Variants in SLC4A8 observed in about 807,000 individuals in gnomAD.
SLC4A8 encodes the protein electroneutral sodium bicarbonate exchanger 1.
In SLC4A8, 40 loss-of-function variants were observed where a neutral mutation model predicts 125.0. The observed-to-expected ratio is 0.32, with a 90% CI of 0.25 to 0.42. The LOEUF (loss-of-function observed/expected upper bound fraction) is 0.42. Among genes scored for constraint, SLC4A8 ranks in the 10% least tolerant of loss-of-function variants. The probability of loss-of-function intolerance (pLI) is 1.00; values close to 1 mark genes in which losing one functional copy is unlikely to be tolerated. For synonymous variants in SLC4A8, 456 were observed against 476.0 expected (o/e 0.96, Z 0.55); for missense variants, 863 against 1,355.1 (o/e 0.64, Z 5.70).
intron 1 of SLC4A8, among the ~76,000 whole-genome samples, chr12:51,403,457 CT>C (rs1948431027): frequency 6.6e-6 from 1 of 152,198 alleles, no homozygotes; most frequent in South Asian, 2.1e-4. Context: ...GCTCAAAGTT[CT>C]TTCGTTTTAG....
Position 51,474,370 on chromosome 12 carries a change from A to G in SLC4A8, c.1933A>G (p.Asn645Asp). 6.3e-7 allele frequency: 1 copy of G among 1,596,796 alleles called. No homozygotes were observed. ...CAGGTGTACTCTGCCAGAGAATCCA[A>G]ACAATCACACCCTCCAGTACTGGAA... ...YCRCTLPENPNNHTLQYWKDH... is the reference protein window; with the variant it reads ...YCRCTLPENPDNHTLQYWKDH... Residue 645 changes from asparagine to aspartate, a missense_variant, in exon 15 of 25, where the codon AAC (asparagine) becomes GAC (aspartate). This residue lies in a region of SLC4A8 where 76 missense variants were observed against 80.2 expected (regional missense o/e 0.95). Coordinates refer to ENST00000453097, the MANE Select transcript of SLC4A8 (RefSeq NM_001039960.3).
At chr12:51,470,878 T>TG (rs755937959) in intron 13 of SLC4A8, among the ~76,000 whole-genome samples, 10 of 124,124 alleles carry the variant, frequency 8.1e-5, no homozygotes, top group Non-Finnish European at 1.7e-4. Context: ...TGTTTTGTTT[T>TG]GTTTTTTTGC....
intron 4 of SLC4A8, 52 bp downstream of exon 4, chr12:51,452,311 T>C: frequency 6.2e-7 from 1 of 1,601,620 alleles, no homozygotes; most frequent in Non-Finnish European, 8.5e-7. Flanking sequence ...GGCAAGTGTG[T>C]ACCCTTCAGC....
At chr12:51,394,430 G>C (rs1218314667) in intron 1 of SLC4A8, among the ~76,000 whole-genome samples, 2 of 152,216 alleles carry the variant, frequency 1.3e-5, no homozygotes, top group Non-Finnish European at 2.9e-5. Flanking sequence ...GACGGTGCAG[G>C]CTTCCTCTCC....
At chr12:51,406,086 A>C (rs1390330641) in intron 1 of SLC4A8, among the ~76,000 whole-genome samples, 1 of 152,224 alleles carries the variant, frequency 6.6e-6, no homozygotes, top group Non-Finnish European at 1.5e-5. Flanking sequence ...GTATCCCAAC[A>C]GTAGCAAGTG....
chr12:51,446,212 T>G (rs1415026199), intron 2 of SLC4A8, among the ~76,000 whole-genome samples: 1 of 152,200 alleles, frequency 6.6e-6, no homozygotes, highest in Non-Finnish European at 1.5e-5. Context: ...TTCAGAGATC[T>G]GCCTGTTAAA....
At chr12:51,499,632 C>T (rs1291484350) in intron 22 of SLC4A8, among the ~76,000 whole-genome samples, 1 of 150,202 alleles carries the variant, frequency 6.7e-6, no homozygotes, top group African/African-American at 2.5e-5. Context: ...TCTACACACA[C>T]ACACACACAC....
At chr12:51,408,457 G>A (rs1463308414) in intron 1 of SLC4A8, among the ~76,000 whole-genome samples, 8 of 151,824 alleles carry the variant, frequency 5.3e-5, no homozygotes, top group Non-Finnish European at 8.8e-5. Flanking sequence ...GGCTGGTCTC[G>A]AACTCCAGAC....
intron 5 of SLC4A8, 152 bp from the exon 6 acceptor site, chr12:51,457,199 A>T: frequency 2.0e-6 from 1 of 509,958 alleles, no homozygotes. Context: ...ATCAAATGGC[A>T]CTTTCAGACA....
chr12:51,488,816 C>A lies in SLC4A8; in HGVS notation c.2404C>A (p.Gln802Lys). The part of the protein sequence containing the change: ...LCTILIFMDQ[Q>K]ITAVIINRKE... ...TACTATCTTGATATTCATGGATCAG[C>A]AGATCACAGCCGTCATTATTAACAG... Residue 802 changes from glutamine to lysine, a missense_variant, in exon 18 of 25, where the codon CAG becomes AAG. Around this residue, in one of 6 missense-constraint regions of SLC4A8, gnomAD observed 197 missense variants for 377.7 expected, o/e 0.52. Coordinates refer to ENST00000453097, the MANE Select transcript of SLC4A8 (RefSeq NM_001039960.3). The A allele has an allele frequency of 6.2e-7, 1 of 1,613,720 alleles. No homozygotes were observed. The highest frequency in any genetic ancestry group is 1.3e-5 in the African/African-American group (1 of 75,014).
At chr12:51,415,454 C>T (rs1310336173) in intron 1 of SLC4A8, among the ~76,000 whole-genome samples, 5 of 152,114 alleles carry the variant, frequency 3.3e-5, no homozygotes, top group Middle Eastern at 3.4e-3. Context: ...TGTGTCTTCC[C>T]GGTTCAATCT....
intron 22 of SLC4A8, among the ~76,000 whole-genome samples, chr12:51,499,320 T>G (rs545219601): frequency 2.0e-5 from 3 of 152,130 alleles, no homozygotes; most frequent in South Asian, 4.2e-4. Flanking sequence ...ACACATACTG[T>G]ACACACACAC....
intron 16 of SLC4A8, chr12:51,480,454 A>T: frequency 4.5e-6 from 5 of 1,101,262 alleles, no homozygotes; most frequent in Non-Finnish European, 5.6e-6. Context: ...ACTGATTATC[A>T]GCTTGTTAGG....
intron 1 of SLC4A8, among the ~76,000 whole-genome samples, chr12:51,435,792 A>T (rs1031061888): frequency 1.3e-5 from 2 of 152,048 alleles, no homozygotes; most frequent in African/African-American, 4.8e-5. Context: ...ACACAATCCT[A>T]GTTGTCTTCG....
intron 9 of SLC4A8, chr12:51,462,012 C>A: frequency 4.4e-6 from 1 of 229,094 alleles, no homozygotes; most frequent in Non-Finnish European, 8.5e-6. Flanking sequence ...TTTCATATAT[C>A]TTGCCTTTCC....
At chr12:51,403,354 G>C in intron 1 of SLC4A8, 1 of 421,770 alleles carries the variant, frequency 2.4e-6, no homozygotes, top group Admixed American at 2.5e-5. Context: ...TCCAGAGTTT[G>C]GGCAGGAGCC....
At chr12:51,424,666 A>G (rs542315757), upstream of SLC4A8, 10 of 404,878 alleles carry the variant, frequency 2.5e-5, no homozygotes, top group African/African-American at 1.9e-4. Context: ...AGGCCCCTGA[A>G]GGGAGGGAGG....
At chr12:51,399,809 C>T (rs1163457890) in intron 1 of SLC4A8, among the ~76,000 whole-genome samples, 3 of 152,046 alleles carry the variant, frequency 2.0e-5, no homozygotes, top group Non-Finnish European at 4.4e-5. Context: ...TGGTGAAACG[C>T]TGTCTCTACT....
rs756254331 is a variant in SLC4A8 at position 51,463,722 on chromosome 12, C to G, written c.1349+8C>G. ...ACTTCAGCGCACTGGGCGGTAAGTCCTGGGACGTTTCACAGCGATGCTGCT... is the reference window on the plus strand; with the variant it reads ...ACTTCAGCGCACTGGGCGGTAAGTCGTGGGACGTTTCACAGCGATGCTGCT... On this transcript the variant is annotated splice_region_variant and intron_variant, in intron 11 of 24. Transcript: ENST00000453097. The G allele has an allele frequency of 6.3e-7, 1 of 1,597,900 alleles. No homozygotes were observed. The highest frequency in any genetic ancestry group is 8.6e-7 in the Non-Finnish European group (1 of 1,166,092).
Sources: gnomAD v4.1 joint callset for allele counts (sites outside exome capture counted in the v4.1 genomes callset) on GRCh38, gnomAD v4.1.1 for gene constraint, gnomAD v4.1.1 regional missense constraint, MANE v1.5 for transcripts, NCBI Gene and HGNC (gene_info 2026-07-23, HGNC 2026-07-21) for gene names.